Variants in ZNF280D observed in about 807,000 individuals in gnomAD.
ZNF280D encodes zinc finger protein 280D, also known as suppressor of hairy wing homolog 4.
ZNF280D carries 39 observed loss-of-function variants against 94.7 expected under a neutral mutation model. The observed-to-expected ratio is 0.41, with a 90% CI of 0.32 to 0.54. The LOEUF (loss-of-function observed/expected upper bound fraction) is 0.54, where lower values mean the gene tolerates loss of function less well. Ranked by LOEUF, ZNF280D falls within the 20% of genes least tolerant of loss-of-function variation. ZNF280D has a pLI of 0.22. For missense variants in ZNF280D, 1,090 were observed against 1,149.3 expected (o/e 0.95, Z 0.75); for synonymous variants, 398 against 377.6 (o/e 1.05, Z -0.63).
chr15:56,694,336 CACAA>C (rs1322359146), intron 6 of ZNF280D, among the ~76,000 whole-genome samples: 2 of 139,526 alleles, frequency 1.4e-5, no homozygotes, highest in Non-Finnish European at 3.1e-5. Flanking sequence ...CACACACACA[CACAA>C]GTATACTCCA....
intron 20 of ZNF280D, among the ~76,000 whole-genome samples, chr15:56,637,578 T>C (rs3199): frequency 0.83 from 125,658 of 152,068 alleles, 52,358 homozygotes; most frequent in East Asian, 0.97. Flanking sequence ...TTCATGCAGA[T>C]TGTGCACACA....
intron 1 of ZNF280D, among the ~76,000 whole-genome samples, chr15:56,707,586 T>TG (rs2057486225): frequency 6.6e-6 from 1 of 152,182 alleles, no homozygotes; most frequent in Admixed American, 6.5e-5. Context: ...TACAATGTAC[T>TG]GGTTTTGGAA....
rs750933741 is a variant in ZNF280D, at chr15:56,707,062, G to T, written c.28+20C>A. The stretch of plus-strand genomic sequence containing the variant: ...ACAAAAGCCACATATATTAGTATTA[G>T]TTGTGGCAGCAACACTTACTTTTTG... On this transcript the variant is annotated intron_variant, in intron 3 of 21. Transcript: ENST00000267807. The T allele has an allele frequency of 1.9e-6, 3 of 1,611,256 alleles. No homozygotes were observed. Among genetic ancestry groups the T allele is most frequent in the Non-Finnish European group, 2.5e-6 (3 of 1,177,662 alleles).
Position 56,689,133 on chromosome 15 carries a change from T to A in ZNF280D, c.688A>T (p.Asn230Tyr). 6.2e-7 allele frequency: 1 copy of A among 1,609,542 alleles called. No homozygotes were observed. Residue 230 changes from asparagine (N) to tyrosine (Y), a missense_variant, in exon 9 of 22, where the codon AAT becomes TAT. Asn to Tyr is a moderately radical substitution (Grantham distance 143). Around this residue, in one of 3 missense-constraint regions of ZNF280D, gnomAD observed 386 missense variants for 372.0 expected, o/e 1.04. Transcript: ENST00000267807. ...AAAGGTGTTCCATTTTTAGACTGAT[T>A]TGATGAGGTATTTGTACCTAAAATA... is the stretch of plus-strand genomic sequence containing the variant. ...MLAKGTNTSS[N>Y]QSKNGTPFPR... is the part of the protein sequence containing the mutation.
chr15:56,722,453 C>T (rs902814816), intron 1 of ZNF280D, among the ~76,000 whole-genome samples: 5 of 152,116 alleles, frequency 3.3e-5, no homozygotes, highest in African/African-American at 1.2e-4. Context: ...ACCATATCTT[C>T]CCCTGAAAAA....
chr15:56,687,348 G>A (rs2056096633), intron 9 of ZNF280D, among the ~76,000 whole-genome samples: 2 of 152,040 alleles, frequency 1.3e-5, no homozygotes, highest in Non-Finnish European at 2.9e-5. Flanking sequence ...AAACCATGAA[G>A]TAACACATAA....
intron 6 of ZNF280D, 51 bp from the exon 7 acceptor site, chr15:56,693,266 T>G (rs1464821701): frequency 7.1e-6 from 4 of 565,338 alleles, no homozygotes; most frequent in Non-Finnish European, 1.1e-5. Flanking sequence ...CAGTTATAAT[T>G]ATTTCAATAT....
At chr15:56,634,354 C>T (rs1056447716) in intron 21 of ZNF280D, among the ~76,000 whole-genome samples, 2 of 152,074 alleles carry the variant, frequency 1.3e-5, no homozygotes, top group Admixed American at 1.3e-4. Flanking sequence ...GGACTAACTA[C>T]AATTTACGTA....
At chr15:56,717,056 T>G (rs2058087157) in intron 1 of ZNF280D, among the ~76,000 whole-genome samples, 1 of 152,150 alleles carries the variant, frequency 6.6e-6, no homozygotes, top group Non-Finnish European at 1.5e-5. Context: ...TTGGAGTTGG[T>G]TGGCTTGGCT....
intron 6 of ZNF280D, among the ~76,000 whole-genome samples, chr15:56,694,195 T>C (rs927761773): frequency 1.4e-4 from 22 of 152,020 alleles, no homozygotes; most frequent in Non-Finnish European, 4.4e-5. Context: ...AAGTTATATA[T>C]GAGCATACAT....
intron 19 of ZNF280D, 59 bp downstream of exon 19, chr15:56,654,139 A>C (rs1219106375): frequency 3.8e-6 from 6 of 1,568,720 alleles, no homozygotes; most frequent in Non-Finnish European, 5.1e-6. Flanking sequence ...ATACATTTAA[A>C]AATGCAATAG....
In ZNF280D at chr15:56,631,445, C is replaced by T; in HGVS notation, c.*53G>A. 6.3e-7 allele frequency: 1 copy of T among 1,577,954 alleles called. No individual in the cohort carries two copies. Among genetic ancestry groups the T allele is most frequent in the Non-Finnish European group, 8.6e-7 (1 of 1,158,358 alleles). On this transcript the variant is annotated 3_prime_UTR_variant, in exon 22 of 22. Transcript: ENST00000267807. ...CAGCACCACTGAGCTCACCTGATAG[C>T]ACTGTTCCAAATGCCCTTATCGTTG...
intron 6 of ZNF280D, among the ~76,000 whole-genome samples, chr15:56,693,708 A>T (rs1474665421): frequency 1.3e-5 from 2 of 152,196 alleles, no homozygotes; most frequent in Non-Finnish European, 2.9e-5. Flanking sequence ...AAAAGCTTCT[A>T]TGCTTCTAAA....
intron 21 of ZNF280D, among the ~76,000 whole-genome samples, chr15:56,632,911 A>G (rs1313542302): frequency 6.6e-6 from 1 of 151,962 alleles, no homozygotes; most frequent in African/African-American, 2.4e-5. Context: ...CACATGCCTG[A>G]AAAAGTATAT....
intron 19 of ZNF280D, among the ~76,000 whole-genome samples, chr15:56,650,156 T>C (rs188804562): frequency 1.2e-3 from 187 of 152,198 alleles, no homozygotes; most frequent in African/African-American, 3.8e-3. Flanking sequence ...TTTATTCATG[T>C]TTCCAACACC....
In ZNF280D at chr15:56,635,211, T is replaced by A; in HGVS notation, c.2299A>T (p.Thr767Ser). ...RPNMAERETE[T>S]SNSESKQDKA... ...TATATTTACCTTTCAGAATTTGATG[T>A]TTCTGTTTCTCTTTCAGCCATGTTA... The change falls in exon 21 of 22, where the codon ACA becomes TCA. Residue 767 changes from threonine (T) to serine (S), a missense_variant. Coordinates refer to ENST00000267807, the MANE Select transcript of ZNF280D (RefSeq NM_017661.4). The A allele has an allele frequency of 6.4e-7, 1 of 1,559,284 alleles. No individual in the cohort carries two copies. The highest frequency in any genetic ancestry group is 1.2e-5 in the South Asian group (1 of 82,124).
chr15:56,708,249 G>A (rs1453577542), intron 1 of ZNF280D, among the ~76,000 whole-genome samples: 2 of 152,098 alleles, frequency 1.3e-5, no homozygotes, highest in Non-Finnish European at 2.9e-5. Flanking sequence ...AGAAGTTATT[G>A]TTATTAATTC....
chr15:56,664,439 T>C (rs1382847888), intron 16 of ZNF280D, among the ~76,000 whole-genome samples: 2 of 152,258 alleles, frequency 1.3e-5, no homozygotes, highest in East Asian at 1.9e-4. Context: ...TAACTGAATA[T>C]GGTCATGGTG....
chr15:56,724,842 T>A, intron 1 of ZNF280D: 1 of 452,404 alleles, frequency 2.2e-6, no homozygotes, highest in Non-Finnish European at 4.4e-6. Flanking sequence ...AATTTTCTTA[T>A]TTACCTTTTT....
Sources: allele counts gnomAD v4.1 joint callset (sites outside exome capture counted in the v4.1 genomes callset), GRCh38; gene constraint gnomAD v4.1.1; regional missense constraint gnomAD v4.1.1; transcripts MANE v1.5; gene names NCBI Gene and HGNC (gene_info 2026-07-23, HGNC 2026-07-21).